DCLK2: variants seen among roughly 807,000 people sequenced by gnomAD.
DCLK2 encodes serine/threonine-protein kinase DCLK2.
Under a neutral mutation model 78.4 loss-of-function variants are expected in DCLK2, and 31 were observed. The ratio of observed to expected loss-of-function variants is 0.40; its 90% confidence interval spans 0.30 to 0.53. DCLK2 has a LOEUF of 0.53. DCLK2 is among the 20% of genes least tolerant of loss of function. The pLI is 0.61. For missense variants in DCLK2, 872 were observed against 973.7 expected (o/e 0.90, Z 1.39); for synonymous variants, 407 against 374.9 (o/e 1.09, Z -0.99).
At chr4:150,169,656 C>CA (rs60421412) in intron 2 of DCLK2, among the ~76,000 whole-genome samples, 24,501 of 97,920 alleles carry the variant, frequency 0.25, 2,322 homozygotes, top group Middle Eastern at 0.3. Context: ...AACTCCGTCT[C>CA]AAAAAAAAAA....
chr4:150,086,597 C>T (rs1299616228), intron 1 of DCLK2, among the ~76,000 whole-genome samples: 2 of 151,878 alleles, frequency 1.3e-5, no homozygotes, highest in South Asian at 2.1e-4. Flanking sequence ...AGCTCCGCCT[C>T]CCGGGTTCAC....
intron 2 of DCLK2, among the ~76,000 whole-genome samples, chr4:150,181,154 TA>T (rs1173605309): frequency 1.3e-5 from 2 of 152,226 alleles, no homozygotes; most frequent in Non-Finnish European, 2.9e-5. Flanking sequence ...GCTTGTCATG[TA>T]AAAAAATTTT....
rs80018721 is a variant in DCLK2 at position 150,173,754 on chromosome 4, A to T, written c.757-19384A>T. ...CAATCAGACACTTGCATTGGGGGAAACTTCATGAATTTTAATAGGAGTGCT... is the reference window on the plus strand; with the variant it reads ...CAATCAGACACTTGCATTGGGGGAATCTTCATGAATTTTAATAGGAGTGCT... On this transcript the variant is annotated intron_variant, in intron 2 of 15. Coordinates refer to ENST00000296550, the MANE Select transcript of DCLK2 (RefSeq NM_001040260.4). 7.1e-3 allele frequency among the ~76,000 whole-genome samples: 1,086 copies of T among 152,172 alleles called. 8 individuals carry two copies. Among genetic ancestry groups the T allele is most frequent in the African/African-American group, 0.025 (1,031 of 41,504 alleles).
At chr4:150,107,495 A>T (rs1731351079) in intron 2 of DCLK2, among the ~76,000 whole-genome samples, 1 of 150,754 alleles carries the variant, frequency 6.6e-6, no homozygotes, top group Non-Finnish European at 1.5e-5. Context: ...TCCCACTTCA[A>T]GTTCCTGAGT....
intron 5 of DCLK2, among the ~76,000 whole-genome samples, chr4:150,215,757 C>G (rs1262919150): frequency 1.3e-5 from 2 of 152,188 alleles, no homozygotes; most frequent in Admixed American, 1.3e-4. Context: ...ATGATCTAAG[C>G]CCAGCAAAGC....
intron 2 of DCLK2, among the ~76,000 whole-genome samples, chr4:150,172,537 G>C (rs546127175): frequency 6.6e-6 from 1 of 151,016 alleles, no homozygotes; most frequent in African/African-American, 2.4e-5. Context: ...AACCCGGGAG[G>C]CGGAGCTTGC....
intron 7 of DCLK2, among the ~76,000 whole-genome samples, chr4:150,223,645 G>A (rs946111104): frequency 1.3e-5 from 2 of 152,124 alleles, no homozygotes; most frequent in Non-Finnish European, 2.9e-5. Flanking sequence ...TTGGGAGGCT[G>A]AGGCGACAGA....
intron 2 of DCLK2, among the ~76,000 whole-genome samples, chr4:150,112,191 A>G (rs192319975): frequency 1.3e-5 from 2 of 152,206 alleles, no homozygotes; most frequent in Admixed American, 1.3e-4. Flanking sequence ...TTTGTTAAGC[A>G]TATTCCTAGG....
Position 150,240,498 on chromosome 4 carries a change from G to A in DCLK2, c.1778+22G>A, listed in dbSNP as rs775037827. On this transcript the variant is annotated intron_variant, in intron 12 of 15. Transcript: ENST00000296550. ...GAAGGTAGGCGGCCTTTTGGGCGAC[G>A]TATTTGAATTGCAAATGTTCTCCCT... The A allele has an allele frequency of 4.2e-5, 62 of 1,488,376 alleles. No individual in the cohort carries two copies. In the Middle Eastern group the frequency reaches 5.6e-4, roughly 13 times the overall value. The allele number at this position is 1,488,376 out of a possible 1,614,324, so 92.2% of individuals were successfully genotyped here. A position where few individuals can be genotyped will look rare whatever the true frequency, so the allele number is the denominator to read the frequency against.
intron 2 of DCLK2, among the ~76,000 whole-genome samples, chr4:150,162,292 A>G (rs762613787): frequency 1.4e-4 from 22 of 152,162 alleles, no homozygotes; most frequent in Non-Finnish European, 2.6e-4. Context: ...TCGGCCTCTC[A>G]AAGTGCTGTG....
In DCLK2 at chr4:150,166,666, A is replaced by G. The variant is rs188219796; in HGVS notation, c.757-26472A>G. On this transcript the variant is annotated intron_variant, in intron 2 of 15. Coordinates refer to ENST00000296550, the MANE Select transcript of DCLK2 (RefSeq NM_001040260.4). ...TGTTTTCTTTGTGTGACAAATGACT[A>G]CCTAAGATGCAAATGTTAATGCATA... 2.5e-3 allele frequency among the ~76,000 whole-genome samples: 379 copies of G among 152,288 alleles called. 5 individuals carry two copies. The highest frequency in any genetic ancestry group is 0.022 in the Admixed American group (330 of 15,292).
chr4:150,117,072 G>T (rs1440837237), intron 2 of DCLK2, among the ~76,000 whole-genome samples: 1 of 152,130 alleles, frequency 6.6e-6, no homozygotes, highest in African/African-American at 2.4e-5. Context: ...GCCAGGTGGG[G>T]GCTGGATAAG....
intron 2 of DCLK2, among the ~76,000 whole-genome samples, chr4:150,154,527 A>G (rs549450703): frequency 3.9e-4 from 60 of 152,332 alleles, no homozygotes; most frequent in Middle Eastern, 6.8e-3. Context: ...TTTTAGATCC[A>G]GTATGAATTT....
At chr4:150,141,421 A>G (rs1028663840) in intron 2 of DCLK2, among the ~76,000 whole-genome samples, 2 of 152,128 alleles carry the variant, frequency 1.3e-5, no homozygotes, top group Non-Finnish European at 2.9e-5. Context: ...TGCAGATCTG[A>G]AAAGGGGGTT....
At chr4:150,172,747 T>C (rs984180034) in intron 2 of DCLK2, among the ~76,000 whole-genome samples, 6 of 83,762 alleles carry the variant, frequency 7.2e-5, no homozygotes, top group African/African-American at 2.4e-4. Context: ...CTAGAGAGTG[T>C]TCTTTTTTTT....
rs1325200475 is a variant in DCLK2, at chr4:150,092,655, C to G, written c.422-9823C>G. ...AAATCTCTGTTTTGGGGTTTTTGTCCTATTTCTTATACTTTTTGAATATTA... is the reference window on the plus strand; with the variant it reads ...AAATCTCTGTTTTGGGGTTTTTGTCGTATTTCTTATACTTTTTGAATATTA... On this transcript the variant is annotated intron_variant, in intron 1 of 15. Coordinates refer to ENST00000296550, the MANE Select transcript of DCLK2 (RefSeq NM_001040260.4). Among the ~76,000 whole-genome samples, 6 of 151,934 alleles carry G rather than the reference C, an allele frequency of 3.9e-5. No homozygotes were observed. In the East Asian group the frequency reaches 1.2e-3, roughly 29 times the overall value.
intron 2 of DCLK2, among the ~76,000 whole-genome samples, chr4:150,161,085 A>T (rs1187588665): frequency 6.6e-6 from 1 of 152,230 alleles, no homozygotes; most frequent in African/African-American, 2.4e-5. Context: ...TAAACATCTG[A>T]CTACTTTGTA....
At chr4:150,155,386 G>T (rs1735198510) in intron 2 of DCLK2, among the ~76,000 whole-genome samples, 1 of 152,162 alleles carries the variant, frequency 6.6e-6, no homozygotes, top group Admixed American at 6.5e-5. Context: ...ACAAGCTGAG[G>T]TATATAATTA....
intron 12 of DCLK2, among the ~76,000 whole-genome samples, chr4:150,241,543 C>G (rs1160314589): frequency 6.6e-6 from 1 of 152,220 alleles, no homozygotes; most frequent in East Asian, 1.9e-4. Flanking sequence ...TAATGAGTAG[C>G]TACTGTGTGC....
Sources: allele counts gnomAD v4.1 joint callset (sites outside exome capture counted in the v4.1 genomes callset), GRCh38; gene constraint gnomAD v4.1.1; transcripts MANE v1.5; gene names NCBI Gene and HGNC (gene_info 2026-07-23, HGNC 2026-07-21).